SCCPDH: variants seen among roughly 807,000 people sequenced by gnomAD.
SCCPDH encodes saccharopine dehydrogenase (putative), also known as saccharopine dehydrogenase-like oxidoreductase.
Under a neutral mutation model 51.5 loss-of-function variants are expected in SCCPDH, and 34 were observed. The ratio of observed to expected loss-of-function variants is 0.66; its 90% confidence interval spans 0.50 to 0.88. The LOEUF is 0.88. SCCPDH is among the 40% of genes least tolerant of loss of function. The pLI is 0.00. For missense variants in SCCPDH, 464 were observed against 527.1 expected (o/e 0.88, Z 1.17); for synonymous variants, 187 against 191.3 (o/e 0.98, Z 0.19).
At chr1:246,750,283 C>G (rs1308620733) in intron 5 of SCCPDH, among the ~76,000 whole-genome samples, 1 of 152,048 alleles carries the variant, frequency 6.6e-6, no homozygotes, top group African/African-American at 2.4e-5. Context: ...TTCTGAGGGA[C>G]GAGAAAGTGG....
At chr1:246,728,370 C>T (rs12741733) in intron 2 of SCCPDH, among the ~76,000 whole-genome samples, 8,952 of 152,196 alleles carry the variant, frequency 0.059, 333 homozygotes, top group African/African-American at 0.078. Flanking sequence ...CTATAATGGA[C>T]GCCCTCATCT....
chr1:246,741,103 C>CA lies in SCCPDH; in HGVS notation c.514+809dup, dbSNP rs1189581313. On this transcript the variant is annotated intron_variant, in intron 4 of 11. Coordinates refer to ENST00000366510, the MANE Select transcript of SCCPDH (RefSeq NM_016002.3). ...TGTCTCTTAGAAAAAAGCAAAAAAACAAAAAAACAAAAACAAAAAACAAAA... is the reference window on the plus strand; with the variant it reads ...TGTCTCTTAGAAAAAAGCAAAAAAACAAAAAAAACAAAAACAAAAAACAAAA... 5.4e-4 allele frequency among the ~76,000 whole-genome samples: 82 copies of CA among 151,388 alleles called. 2 individuals are homozygous for CA. The highest frequency in any genetic ancestry group is 5.1e-3 in the Admixed American group (78 of 15,178).
chr1:246,766,150 T>C lies in SCCPDH; in HGVS notation c.1184+11T>C, dbSNP rs1337490083. 6 of 1,576,932 alleles carry C rather than the reference T, an allele frequency of 3.8e-6. No homozygotes were observed. The African/African-American group carries it at 6.8e-5, about 18-fold the overall frequency. ...TCATCTGCCTAAGGCGTAAGTTTGG[T>C]TTTCTTCCAATTAGAAGATCTTTTT... On this transcript the variant is annotated intron_variant, in intron 11 of 11. Coordinates refer to ENST00000366510, the MANE Select transcript of SCCPDH (RefSeq NM_016002.3).
chr1:246,726,763 G>T (rs1572291025), intron 1 of SCCPDH, 129 bp from the exon 2 acceptor site: 1 of 643,210 alleles, frequency 1.6e-6, no homozygotes. Context: ...TTTTGTCTAA[G>T]CAGGAGAGCT....
intron 4 of SCCPDH, among the ~76,000 whole-genome samples, chr1:246,743,323 G>A (rs990677546): frequency 5.9e-5 from 9 of 152,046 alleles, no homozygotes; most frequent in East Asian, 5.8e-4. Flanking sequence ...GGTGGCTCAC[G>A]CCTGAAATCC....
Position 246,761,782 on chromosome 1 carries a change from CCATT to C in SCCPDH, c.990+1563_990+1566del, listed in dbSNP as rs372501256. ...CCTGTCTGGATCACATTTTGTGTAT[CCATT>C]CATTCATCAGTGAACACATGTGTTG... On this transcript the variant is annotated intron_variant, in intron 9 of 11. Coordinates refer to ENST00000366510, the MANE Select transcript of SCCPDH (RefSeq NM_016002.3). Among the ~76,000 whole-genome samples, 865 of 152,328 alleles carry C rather than the reference CCATT, an allele frequency of 5.7e-3. 5 individuals are homozygous for C. Among genetic ancestry groups the C allele is most frequent in the African/African-American group, 0.019 (802 of 41,566 alleles).
At chr1:246,761,234 C>G (rs1669007910) in intron 9 of SCCPDH, among the ~76,000 whole-genome samples, 1 of 152,120 alleles carries the variant, frequency 6.6e-6, no homozygotes, top group Admixed American at 6.6e-5. Context: ...GCCACCACGC[C>G]CGGATAATTT....
At chr1:246,758,717 T>G (rs980322648) in intron 6 of SCCPDH, among the ~76,000 whole-genome samples, 9 of 152,228 alleles carry the variant, frequency 5.9e-5, no homozygotes, top group African/African-American at 2.2e-4. Context: ...TGAGAACTTT[T>G]TTTCTTTTTT....
intron 10 of SCCPDH, 109 bp from the exon 11 acceptor site, chr1:246,765,949 A>C: frequency 1.4e-6 from 1 of 715,700 alleles, no homozygotes; most frequent in Admixed American, 2.6e-5. Flanking sequence ...CTATTGAAAA[A>C]AATCTGCACA....
chr1:246,730,874 C>T (rs1668481421), intron 2 of SCCPDH, among the ~76,000 whole-genome samples: 1 of 152,076 alleles, frequency 6.6e-6, no homozygotes, highest in Admixed American at 6.6e-5. Context: ...GCCTGGCCAA[C>T]ATGGTGAAAC....
At chr1:246,754,007 T>C (rs1007454172) in intron 5 of SCCPDH, among the ~76,000 whole-genome samples, 3 of 152,076 alleles carry the variant, frequency 2.0e-5, no homozygotes, top group Non-Finnish European at 2.9e-5. Flanking sequence ...TTTGTCCTTC[T>C]TGGTCCCTGT....
intron 9 of SCCPDH, among the ~76,000 whole-genome samples, chr1:246,761,235 C>T (rs764427415): frequency 3.3e-5 from 5 of 152,106 alleles, no homozygotes; most frequent in South Asian, 2.1e-4. Flanking sequence ...CCACCACGCC[C>T]GGATAATTTT....
chr1:246,728,934 C>T (rs750236415), intron 2 of SCCPDH, among the ~76,000 whole-genome samples: 2 of 152,110 alleles, frequency 1.3e-5, no homozygotes, highest in African/African-American at 2.4e-5. Flanking sequence ...TAAGTGTCAG[C>T]CAGTCTGAGA....
chr1:246,758,408 G>A, intron 6 of SCCPDH, 52 bp downstream of exon 6: 1 of 1,376,582 alleles, frequency 7.3e-7, no homozygotes, highest in Non-Finnish European at 9.9e-7. Context: ...GTATATTGTT[G>A]TTGGGTTGGC....
chr1:246,739,401 C>T (rs1250909858), intron 3 of SCCPDH, among the ~76,000 whole-genome samples: 2 of 152,138 alleles, frequency 1.3e-5, no homozygotes, highest in Non-Finnish European at 2.9e-5. Flanking sequence ...ACCAGTACTC[C>T]TCAAAACCAT....
chr1:246,731,864 G>A (rs1376036845), intron 2 of SCCPDH, among the ~76,000 whole-genome samples: 7 of 126,888 alleles, frequency 5.5e-5, no homozygotes, highest in African/African-American at 2.1e-4. Flanking sequence ...CCCTACCCCT[G>A]CCCCCCACCC....
intron 2 of SCCPDH, among the ~76,000 whole-genome samples, 157 bp downstream of exon 2, chr1:246,727,161 A>C (rs1668413126): frequency 6.6e-6 from 1 of 152,206 alleles, no homozygotes; most frequent in Admixed American, 6.5e-5. Context: ...GCTGGAGATG[A>C]CCAAAGTCTC....
chr1:246,757,794 G>A (rs1056064251), intron 5 of SCCPDH, among the ~76,000 whole-genome samples: 6 of 152,114 alleles, frequency 3.9e-5, no homozygotes, highest in African/African-American at 1.4e-4. Flanking sequence ...GTGTATGTAT[G>A]CATAAATGTG....
chr1:246,745,857 C>G (rs1668750467), intron 5 of SCCPDH, among the ~76,000 whole-genome samples: 2 of 151,960 alleles, frequency 1.3e-5, no homozygotes, highest in Non-Finnish European at 2.9e-5. Context: ...GCCTGTAATC[C>G]CAGCACTTTG....
Sources: gnomAD v4.1 joint callset for allele counts (sites outside exome capture counted in the v4.1 genomes callset) on GRCh38, gnomAD v4.1.1 for gene constraint, MANE v1.5 for transcripts, NCBI Gene and HGNC (gene_info 2026-07-23, HGNC 2026-07-21) for gene names.